The following CMIP variants were observed in gnomAD, a reference collection of about 807,000 sequenced individuals.
CMIP encodes the protein c-Maf inducing protein.
A neutral mutation model predicts 97.3 loss-of-function variants in CMIP; 13 were observed. The observed-to-expected ratio is 0.13, with a 90% CI of 0.09 to 0.21. CMIP has a LOEUF of 0.21. CMIP is among the 10% of genes least tolerant of loss of function. The pLI, the probability that CMIP is intolerant of heterozygous loss-of-function variation, is 1.00. For missense variants in CMIP, 847 were observed against 1,024.9 expected, an observed-to-expected ratio of 0.83 and a Z score of 2.37; for synonymous variants, 538 against 436.3, an observed-to-expected ratio of 1.23 and a Z score of -2.91.
Position 81,550,792 on chromosome 16 carries a change from C to G in CMIP, c.301-56775C>G, listed in dbSNP as rs371514943. ...ACAGCACATAGATTCTCCTTACACC[C>G]AGGAGAGGATGAAGAAAGTCCTAAC... is the stretch of plus-strand genomic sequence containing the variant. On this transcript the variant is annotated intron_variant, in intron 1 of 20. Transcript: ENST00000537098. Among the ~76,000 whole-genome samples, 5 of 152,064 alleles carry G rather than the reference C, an allele frequency of 3.3e-5. No individual in the cohort carries two copies. The East Asian group carries it at 7.7e-4, about 23-fold the overall frequency.
intron 1 of CMIP, among the ~76,000 whole-genome samples, chr16:81,568,039 G>GTGTGTT (rs10629229): frequency 0.053 from 4,388 of 82,598 alleles, 204 homozygotes; most frequent in East Asian, 0.14. Flanking sequence ...GTGTGTGTGT[G>GTGTGTT]TTTTTTTTTT....
chr16:81,606,103 TG>T (rs2091739641), intron 1 of CMIP, among the ~76,000 whole-genome samples: 1 of 152,236 alleles, frequency 6.6e-6, no homozygotes, highest in Non-Finnish European at 1.5e-5. Flanking sequence ...ATTAACCTGT[TG>T]GGCCTTAGAC....
chr16:81,490,820 T>G (rs2089393719), intron 1 of CMIP, among the ~76,000 whole-genome samples: 1 of 151,864 alleles, frequency 6.6e-6, no homozygotes, highest in Non-Finnish European at 1.5e-5. Context: ...GGAGAGCAAA[T>G]GCACAGGCCC....
intron 1 of CMIP, among the ~76,000 whole-genome samples, chr16:81,597,700 GGGC>G (rs2091584339): frequency 6.6e-6 from 1 of 152,126 alleles, no homozygotes; most frequent in African/African-American, 2.4e-5. Flanking sequence ...GCAGGGGCTT[GGGC>G]CAGTTCCCCC....
At position 81,480,865 on chromosome 16, in the gene CMIP, C is replaced by G. The variant is rs559439571; in HGVS notation, c.300+35324C>G. ...TCATGGAGGGAGTCTCCCCTTGGCC[C>G]TCCTGGTGGGGACCTCAGCTGAAGC... is the stretch of plus-strand genomic sequence containing the variant. On this transcript the variant is annotated intron_variant, in intron 1 of 20. Transcript: ENST00000537098. Among the ~76,000 whole-genome samples, 3 of 152,304 alleles carry G rather than the reference C, an allele frequency of 2.0e-5. No individual in the cohort carries two copies. The East Asian group carries it at 5.8e-4, about 29-fold the overall frequency.
At chr16:81,657,926 G>A in intron 5 of CMIP, 110 bp downstream of exon 5, 4 of 879,190 alleles carry the variant, frequency 4.5e-6, no homozygotes, top group Non-Finnish European at 6.9e-6. Context: ...CCAGCATCTG[G>A]CCTTGCTCCG....
intron 1 of CMIP, among the ~76,000 whole-genome samples, chr16:81,481,275 C>T (rs1379118730): frequency 4.6e-5 from 7 of 152,236 alleles, no homozygotes; most frequent in African/African-American, 1.2e-4. Context: ...GTGTCACCCT[C>T]ATCTGGGTGT....
chr16:81,669,853 C>G (rs149396686), intron 7 of CMIP, among the ~76,000 whole-genome samples: 1 of 152,358 alleles, frequency 6.6e-6, no homozygotes, highest in Non-Finnish European at 1.5e-5. Flanking sequence ...TCTCTTTTCT[C>G]TTTCTCGTCT....
chr16:81,538,822 G>GTT (rs146269222), intron 1 of CMIP, among the ~76,000 whole-genome samples: 1 of 151,090 alleles, frequency 6.6e-6, no homozygotes, highest in Non-Finnish European at 1.5e-5. Flanking sequence ...TGATTATCAG[G>GTT]TTTTTTTTTC....
In CMIP at chr16:81,610,457, A is replaced by C. The variant is rs1057263742; in HGVS notation, c.426+2765A>C. On this transcript the variant is annotated intron_variant, in intron 2 of 20. Coordinates refer to ENST00000537098, the MANE Select transcript of CMIP (RefSeq NM_198390.3). ...AAGGAGGAGGAGGAGGCGGCTTGCA[A>C]CTCCTCAGATCCAGAGCCGGACTCC... The C allele has an allele frequency of 5.5e-5, 54 of 985,834 alleles. No individual in the cohort carries two copies. The African/African-American group carries it at 8.6e-4, about 16-fold the overall frequency. 61.1% of individuals were successfully genotyped at this position (985,834 alleles called of 1,614,324 possible). A position where few individuals can be genotyped will look rare whatever the true frequency, so the allele number is the denominator to read the frequency against.
intron 20 of CMIP, among the ~76,000 whole-genome samples, chr16:81,709,196 G>T (rs1908485089): frequency 6.6e-6 from 1 of 152,134 alleles, no homozygotes; most frequent in Non-Finnish European, 1.5e-5. Flanking sequence ...CAAACCCTGG[G>T]TACCTGGGAT....
In CMIP at chr16:81,711,528, C is replaced by G. The variant is rs1908774211; in HGVS notation, c.*1729C>G. 1 of 149,660 alleles carries G rather than the reference C, an allele frequency of 6.7e-6. No individual in the cohort carries two copies. Among genetic ancestry groups the G allele is most frequent in the Admixed American group, 6.7e-5 (1 of 15,036 alleles). The allele number at this position is 149,660 out of a possible 1,614,324, so 9.3% of individuals were successfully genotyped here. A position where few individuals can be genotyped will look rare whatever the true frequency, so the allele number is the denominator to read the frequency against. ...TTTTCTTTTCTTTCCCCCCTCCGGTCCCATACTTCACAGCACTCTGGTGCG... is the reference window on the plus strand; with the variant it reads ...TTTTCTTTTCTTTCCCCCCTCCGGTGCCATACTTCACAGCACTCTGGTGCG... On this transcript the variant is annotated 3_prime_UTR_variant, in exon 21 of 21. Transcript: ENST00000537098.
intron 1 of CMIP, among the ~76,000 whole-genome samples, chr16:81,558,288 G>A (rs989377962): frequency 2.6e-5 from 4 of 152,092 alleles, no homozygotes; most frequent in South Asian, 2.1e-4. Flanking sequence ...CAGCAGACAC[G>A]AGGCTGCTTC....
intron 1 of CMIP, among the ~76,000 whole-genome samples, chr16:81,595,249 C>T (rs1433379723): frequency 6.6e-6 from 1 of 152,122 alleles, no homozygotes; most frequent in Non-Finnish European, 1.5e-5. Context: ...TTTCCCCGTC[C>T]CTGCCCTGGA....
At chr16:81,661,424 A>G (rs1229025138) in intron 6 of CMIP, among the ~76,000 whole-genome samples, 1 of 152,252 alleles carries the variant, frequency 6.6e-6, no homozygotes, top group Non-Finnish European at 1.5e-5. Context: ...CACATAGGAC[A>G]TGTCCAGGGC....
intron 15 of CMIP, among the ~76,000 whole-genome samples, chr16:81,701,353 C>T (rs1384494389): frequency 6.6e-6 from 1 of 152,204 alleles, no homozygotes; most frequent in Non-Finnish European, 1.5e-5. Flanking sequence ...TCCACCAGTG[C>T]TCAGGGGCCT....
intron 15 of CMIP, among the ~76,000 whole-genome samples, chr16:81,700,984 G>A (rs1405491736): frequency 6.6e-6 from 1 of 152,096 alleles, no homozygotes; most frequent in Non-Finnish European, 1.5e-5. Context: ...CCTGCTCCTT[G>A]GTGAGTGAGA....
At chr16:81,475,046 T>C (rs924368791) in intron 1 of CMIP, among the ~76,000 whole-genome samples, 2 of 152,174 alleles carry the variant, frequency 1.3e-5, no homozygotes, top group Non-Finnish European at 2.9e-5. Flanking sequence ...TGTGGCTTCA[T>C]GAATGGAGCT....
intron 11 of CMIP, 148 bp downstream of exon 11, chr16:81,691,988 G>A (rs769692286): frequency 1.3e-5 from 9 of 699,674 alleles, no homozygotes; most frequent in South Asian, 5.1e-5. Context: ...GCTCAGCCAC[G>A]TCCTCAGCTG....
Sources: allele counts gnomAD v4.1 joint callset (sites outside exome capture counted in the v4.1 genomes callset), GRCh38; gene constraint gnomAD v4.1.1; transcripts MANE v1.5; gene names NCBI Gene and HGNC (gene_info 2026-07-23, HGNC 2026-07-21).